The following PURG variants were observed in gnomAD, a reference collection of about 807,000 sequenced individuals.
PURG encodes purine rich element binding protein G.
A neutral mutation model predicts 24.3 loss-of-function variants in PURG; 3 were observed. The observed-to-expected ratio is 0.12, with a 90% CI of 0.06 to 0.32. The LOEUF is 0.32. Ranked by LOEUF, PURG falls within the 10% of genes least tolerant of loss-of-function variation. The probability of loss-of-function intolerance (pLI) is 1.00; values close to 1 mark genes in which losing one functional copy is unlikely to be tolerated. For synonymous variants in PURG, 180 were observed against 173.1 expected, an observed-to-expected ratio of 1.04 and a Z score of -0.31; for missense variants, 371 against 439.1, an observed-to-expected ratio of 0.84 and a Z score of 1.39.
intron 1 of PURG, among the ~76,000 whole-genome samples, chr8:31,008,153 C>T (rs923108142): frequency 1.3e-5 from 2 of 152,168 alleles, no homozygotes; most frequent in African/African-American, 2.4e-5. Context: ...AGGAGGCTCC[C>T]TTTGAACTTT....
chr8:31,029,970 CTAA>C (rs1811163353), downstream of PURG, among the ~76,000 whole-genome samples: 1 of 151,882 alleles, frequency 6.6e-6, no homozygotes, highest in South Asian at 2.1e-4. Flanking sequence ...TTATAATGAA[CTAA>C]TGAGATTCCT....
At chr8:31,000,894 C>T (rs1031992471) in intron 1 of PURG, among the ~76,000 whole-genome samples, 9 of 152,246 alleles carry the variant, frequency 5.9e-5, no homozygotes, top group African/African-American at 2.2e-4. Context: ...CATAATAAAT[C>T]ACTGAACCCA....
At chr8:31,030,576 T>C (rs1264261342), downstream of PURG, among the ~76,000 whole-genome samples, 1 of 151,980 alleles carries the variant, frequency 6.6e-6, no homozygotes, top group Non-Finnish European at 1.5e-5. Context: ...AATTTTCCTT[T>C]CAAATATATT....
chr8:31,016,581 C>A (rs372781697), intron 1 of PURG, among the ~76,000 whole-genome samples: 26,024 of 57,310 alleles, frequency 0.45, 7,613 homozygotes, highest in East Asian at 0.6. Flanking sequence ...TACCAAGAAC[C>A]AAAAAAAAAA....
rs1811273969 is a variant in PURG at position 31,032,873 on chromosome 8, G to A, written c.-6-85C>T. 9.3e-7 allele frequency: 1 copy of A among 1,069,896 alleles called. No individual in the cohort carries two copies. Among genetic ancestry groups the A allele is most frequent in the Non-Finnish European group, 1.2e-6 (1 of 843,478 alleles). The allele number at this position is 1,069,896 out of a possible 1,614,324, so 66.3% of individuals were successfully genotyped here. A position where few individuals can be genotyped will look rare whatever the true frequency, so the allele number is the denominator to read the frequency against. On this transcript the variant is annotated intron_variant, in intron 1 of 1. Transcript: ENST00000523392. The surrounding 1 kb of genome is among the most constrained non-coding windows in gnomAD (Gnocchi z 5.9). The stretch of plus-strand genomic sequence containing the variant: ...AGACGCCCCTCGGCCTGACCGCCCC[G>A]CCGCCGCCCGCGACCCCCACGCCGG...
chr8:31,016,581 C>CAAAAAAAAAAAAAAAA lies in PURG; in HGVS notation c.864+15322_864+15337dup, dbSNP rs11433207. On this transcript the variant is annotated intron_variant, in intron 1 of 1. Coordinates refer to the PURG transcript ENST00000339382. ...GAAAGAATGCAAGTCTACCAAGAAC[C>CAAAAAAAAAAAAAAAA]AAAAAAAAAAAAAAAAAAAAAAAAA... Among the ~76,000 whole-genome samples, 121 of 57,538 alleles carry CAAAAAAAAAAAAAAAA rather than the reference C, an allele frequency of 2.1e-3. 11 individuals carry two copies. Among genetic ancestry groups the CAAAAAAAAAAAAAAAA allele is most frequent in the South Asian group, 2.7e-3 (3 of 1,120 alleles). The allele number at this position is 57,538 out of a possible 152,430, so 37.7% of individuals were successfully genotyped here.
At chr8:31,000,552 A>C (rs1214076172) in intron 1 of PURG, among the ~76,000 whole-genome samples, 1 of 152,152 alleles carries the variant, frequency 6.6e-6, no homozygotes, top group Admixed American at 6.6e-5. Context: ...TCTCTGTGAC[A>C]GATGACCTGG....
intron 1 of PURG, among the ~76,000 whole-genome samples, chr8:31,023,669 C>A (rs760849382): frequency 2.9e-3 from 436 of 150,446 alleles, no homozygotes; most frequent in Non-Finnish European, 5.0e-3. Flanking sequence ...CTAAAAAAAA[C>A]CCCCAAACCA....
In PURG at chr8:31,003,257, G is replaced by A. The variant is rs1399469786; in HGVS notation, c.865-6560C>T. On this transcript the variant is annotated intron_variant, in intron 1 of 1. Coordinates refer to the PURG transcript ENST00000339382. ...GTATGATAGGGGAAAAGGAAAGCAC[G>A]TGTATTTTAGTCGTAGGTGAAAGAA... Among the ~76,000 whole-genome samples the A allele has an allele frequency of 7.9e-5, 12 of 152,264 alleles. No homozygotes were observed. In the East Asian group the frequency reaches 1.5e-3, roughly 20 times the overall value.
Position 31,031,952 on chromosome 8 carries a change from A to G in PURG, c.831T>C (p.Asp277=), listed in dbSNP as rs1811217602. Residue 277 remains aspartate, a synonymous_variant, in exon 2 of 2, where the codon GAT becomes GAC. Transcript: ENST00000523392. The part of the protein sequence containing the change: ...FRVDNKRFYF[D]VGSNKYGIFL... ...AAATTCCATATTTATTAGAGCCCACATCAAAGTAGAACCTTTTATTGTCCA... is the reference window on the plus strand; with the variant it reads ...AAATTCCATATTTATTAGAGCCCACGTCAAAGTAGAACCTTTTATTGTCCA... 1 of 1,614,056 alleles carries G rather than the reference A, an allele frequency of 6.2e-7. No homozygotes were observed. Among genetic ancestry groups the G allele is most frequent in the East Asian group, 2.2e-5 (1 of 44,878 alleles).
At chr8:30,996,467 G>A (rs1247575963) in exon 2 of PURG, 19 of 616,550 alleles carry the variant, frequency 3.1e-5, no homozygotes, top group Non-Finnish European at 5.1e-5. Flanking sequence ...TGCCAGTGGT[G>A]TTGATACTTG....
intron 1 of PURG, among the ~76,000 whole-genome samples, chr8:31,025,252 T>C (rs971894976): frequency 8.6e-5 from 13 of 151,970 alleles, no homozygotes; most frequent in Admixed American, 6.5e-4. Flanking sequence ...ATTATTAATA[T>C]GCTTTAGCCT....
intron 1 of PURG, among the ~76,000 whole-genome samples, chr8:31,010,099 A>C (rs1276784164): frequency 6.6e-6 from 1 of 152,196 alleles, no homozygotes; most frequent in Non-Finnish European, 1.5e-5. Context: ...CCTGTCTTGA[A>C]AAAATAAAAA....
chr8:31,020,767 G>C (rs1408901242), intron 1 of PURG, among the ~76,000 whole-genome samples: 1 of 152,150 alleles, frequency 6.6e-6, no homozygotes, highest in Non-Finnish European at 1.5e-5. Context: ...TTTTGACCGA[G>C]TTTTTCCATC....
At chr8:31,003,128 A>G (rs1224063448) in intron 1 of PURG, among the ~76,000 whole-genome samples, 1 of 152,192 alleles carries the variant, frequency 6.6e-6, no homozygotes, top group Non-Finnish European at 1.5e-5. Flanking sequence ...ATTCTACACT[A>G]AAGTAGGTCA....
At position 30,996,703 on chromosome 8, in the gene PURG, G is replaced by GA; in HGVS notation, c.865-7dup. 1.9e-6 allele frequency: 3 copies of GA among 1,593,936 alleles called. No individual in the cohort carries two copies. In the South Asian group the frequency reaches 3.3e-5, roughly 18 times the overall value. ...GATTTGGGGTAATTTGTGAGCTAAA[G>GA]AAAAAATATTAATTTGAATTTAGCA... On this transcript the variant is annotated splice_polypyrimidine_tract_variant and splice_region_variant and intron_variant, in intron 1 of 1. Transcript: ENST00000339382.
chr8:30,998,243 T>C (rs920410217), intron 1 of PURG, among the ~76,000 whole-genome samples: 15 of 151,870 alleles, frequency 9.9e-5, no homozygotes, highest in African/African-American at 3.6e-4. Context: ...TATTTCTGTA[T>C]TGTTCATTGG....
chr8:31,027,027 T>C (rs1468793612), downstream of PURG, among the ~76,000 whole-genome samples: 19 of 151,774 alleles, frequency 1.3e-4, no homozygotes. Flanking sequence ...ACATTTTCCC[T>C]GAACTTCATT....
chr8:31,026,399 T>C (rs1291810768), downstream of PURG, among the ~76,000 whole-genome samples: 6 of 151,534 alleles, frequency 4.0e-5, no homozygotes, highest in Non-Finnish European at 8.9e-5. Flanking sequence ...AACTGAATAT[T>C]TGTATATTTA....
Sources: gnomAD v4.1 joint callset for allele counts (sites outside exome capture counted in the v4.1 genomes callset) on GRCh38, gnomAD v4.1.1 for gene constraint, Gnocchi (gnomAD v3.1) non-coding constraint, MANE v1.5 for transcripts, NCBI Gene and HGNC (gene_info 2026-07-23, HGNC 2026-07-21) for gene names.